PLOD3: variants seen among roughly 807,000 people sequenced by gnomAD.
PLOD3 encodes procollagen-lysine,2-oxoglutarate 5-dioxygenase 3, also known as multifunctional procollagen lysine hydroxylase and glycosyltransferase LH3.
PLOD3 carries 73 observed loss-of-function variants against 96.9 expected under a neutral mutation model. The observed-to-expected ratio is 0.75, with a 90% confidence interval of 0.62 to 0.92. PLOD3 has a LOEUF of 0.92. Among genes scored for constraint, PLOD3 ranks in the 40% least tolerant of loss-of-function variants. The pLI is 0.00. For synonymous variants in PLOD3, 454 were observed against 413.7 expected (o/e 1.10, Z -1.18); for missense variants, 1,004 against 1,004.3 (o/e 1.00, Z 0.00).
At position 101,210,519 on chromosome 7, in the gene PLOD3, C is replaced by T. The variant is rs1408068194; in HGVS notation, c.1500+13G>A. On this transcript the variant is annotated intron_variant, in intron 13 of 18. Coordinates refer to ENST00000223127, the MANE Select transcript of PLOD3 (RefSeq NM_001084.5). The stretch of plus-strand genomic sequence containing the variant: ...GGGACTGCCCCCAGGCCAGACCGTG[C>T]ACCCGCGCTCACCTTGTCTCGAAAG... The T allele has an allele frequency of 1.2e-6, 2 of 1,614,034 alleles. No individual in the cohort carries two copies. The highest frequency in any genetic ancestry group is 1.7e-5 in the Admixed American group (1 of 60,000).
At chr7:101,209,102 G>C (rs1798138050) in intron 15 of PLOD3, 145 bp from the exon 16 acceptor site, 1 of 694,596 alleles carries the variant, frequency 1.4e-6, no homozygotes, top group Non-Finnish European at 2.6e-6. Flanking sequence ...GGGGCTGAGG[G>C]AGTGGCAAGG....
At chr7:101,207,476 G>C in intron 17 of PLOD3, 102 bp downstream of exon 17, 1 of 1,260,470 alleles carries the variant, frequency 7.9e-7, no homozygotes. Context: ...AAAATGCATG[G>C]AGCCCAAATG....
At chr7:101,211,323 G>C (rs933234680) in intron 12 of PLOD3, 1 of 417,706 alleles carries the variant, frequency 2.4e-6, no homozygotes, top group African/African-American at 2.0e-5. Context: ...GGGACCACAG[G>C]CACGCACCAC....
intron 12 of PLOD3, 72 bp from the exon 13 acceptor site, chr7:101,210,745 CCTT>C (rs1302016856): frequency 2.6e-6 from 4 of 1,554,506 alleles, no homozygotes; most frequent in African/African-American, 2.7e-5. Context: ...CCCGGGAAGT[CCTT>C]CTTCCCTCAG....
At position 101,216,825 on chromosome 7, in the gene PLOD3, C is replaced by CA. The variant is rs773285360; in HGVS notation, c.110-40dup. ...GAAATGGCACTTGAGATCCACCGCC[C>CA]AGCTCCGGGCCTCACGTGCTTTGCT... On this transcript the variant is annotated intron_variant, in intron 1 of 18. Coordinates refer to ENST00000223127, the MANE Select transcript of PLOD3 (RefSeq NM_001084.5). The CA allele has an allele frequency of 1.3e-5, 18 of 1,375,976 alleles. No homozygotes were observed. In the African/African-American group the frequency reaches 2.3e-4, roughly 17 times the overall value. The allele number at this position is 1,375,976 out of a possible 1,614,324, so 85.2% of individuals were successfully genotyped here. A position where few individuals can be genotyped will look rare whatever the true frequency, so the allele number is the denominator to read the frequency against.
Position 101,210,478 on chromosome 7 carries a change from G to A in PLOD3, c.1501-34C>T, listed in dbSNP as rs753947848. ...GGGTGGGGGTGTCCGTGATGCAGGCGATGCCTGGAGTCTGGGGGACTGCCC... is the reference window on the plus strand; with the variant it reads ...GGGTGGGGGTGTCCGTGATGCAGGCAATGCCTGGAGTCTGGGGGACTGCCC... On this transcript the variant is annotated intron_variant, in intron 13 of 18. Transcript: ENST00000223127. The A allele has an allele frequency of 9.9e-6, 16 of 1,613,452 alleles. No individual in the cohort carries two copies. In the African/African-American group the frequency reaches 1.2e-4, roughly 12 times the overall value.
rs1464293153 is a variant in PLOD3, at chr7:101,217,319, G to A, written c.-45C>T. ...CAGCACCCAGGATCCTGGGATCTCC[G>A]CTACGCGCCTGGATCCCAGCTCCGG... On this transcript the variant is annotated 5_prime_UTR_variant, in exon 1 of 19. Coordinates refer to ENST00000223127, the MANE Select transcript of PLOD3 (RefSeq NM_001084.5). 3 of 1,363,448 alleles carry A rather than the reference G, an allele frequency of 2.2e-6. No homozygotes were observed. The African/African-American group carries it at 4.6e-5, about 21-fold the overall frequency. 84.5% of individuals were successfully genotyped at this position (1,363,448 alleles called of 1,614,324 possible).
chr7:101,208,882 A>G lies in PLOD3; in HGVS notation c.1759T>C (p.Tyr587His). 1 of 1,613,784 alleles carries G rather than the reference A, an allele frequency of 6.2e-7. No homozygotes were observed. Among genetic ancestry groups the G allele is most frequent in the Non-Finnish European group, 8.5e-7 (1 of 1,179,704 alleles). ...TGCCGGCCGCCTGACCACTGGCCGTAGTGCTCCATCTCTGCCACCAGCTCA... is the reference window on the plus strand; with the variant it reads ...TGCCGGCCGCCTGACCACTGGCCGTGGTGCTCCATCTCTGCCACCAGCTCA... Reference protein sequence around the residue: ...CDELVAEMEHYGQWSGGRHED... With the variant: ...CDELVAEMEHHGQWSGGRHED... The change falls in exon 16 of 19, where the codon TAC (tyrosine) becomes CAC (histidine). Residue 587 changes from tyrosine to histidine, a missense_variant. Tyr to His is a moderately conservative substitution (Grantham distance 83, BLOSUM62 2). Coordinates refer to ENST00000223127, the MANE Select transcript of PLOD3 (RefSeq NM_001084.5).
At chr7:101,208,602 G>A (rs1798123512) in intron 16 of PLOD3, 1 of 479,048 alleles carries the variant, frequency 2.1e-6, no homozygotes, top group Non-Finnish European at 4.0e-6. Context: ...GCCCAGGCTG[G>A]CCTCAAACTC....
Position 101,210,389 on chromosome 7 carries a change from G to T in PLOD3, c.1556C>A (p.Ser519Tyr). 1.2e-6 allele frequency: 2 copies of T among 1,614,206 alleles called. No individual in the cohort carries two copies. The highest frequency in any genetic ancestry group is 2.2e-5 in the South Asian group (2 of 91,082). Residue 519 changes from serine (S) to tyrosine (Y), a missense_variant, in exon 14 of 19, where the codon TCC becomes TAC. Ser to Tyr is a moderately radical substitution (Grantham distance 144, BLOSUM62 -2). Coordinates refer to ENST00000223127, the MANE Select transcript of PLOD3 (RefSeq NM_001084.5). ...QHEFGRLLAT[S>Y]RYDTEHLHPD... ...GTGCAGGTGCTCCGTGTCGTATCTG[G>T]AAGTGGCCAGGAGCCGGCCAAATTC...
chr7:101,212,082 G>T (rs3213663), intron 10 of PLOD3, 132 bp from the exon 11 acceptor site: 3 of 1,055,176 alleles, frequency 2.8e-6, no homozygotes, highest in Non-Finnish European at 4.3e-6. Flanking sequence ...CTGCTGTCTG[G>T]GTGAGCTGGC....
intron 16 of PLOD3, among the ~76,000 whole-genome samples, chr7:101,208,165 A>G (rs1798117498): frequency 6.6e-6 from 1 of 152,110 alleles, no homozygotes; most frequent in Admixed American, 6.5e-5. Context: ...CGGCATGATC[A>G]TAGCTCACTG....
At chr7:101,211,791 G>A (rs1339416435) in intron 11 of PLOD3, 55 bp downstream of exon 11, 6 of 1,584,188 alleles carry the variant, frequency 3.8e-6, no homozygotes, top group Non-Finnish European at 5.2e-6. Context: ...GCAGGAGTGG[G>A]GTTCCCGGGG....
chr7:101,207,183 C>T (rs925733134), intron 17 of PLOD3, among the ~76,000 whole-genome samples: 8 of 152,052 alleles, frequency 5.3e-5, no homozygotes, highest in African/African-American at 1.9e-4. Flanking sequence ...ACCATCTTGG[C>T]CAGGCTGGTC....
chr7:101,211,520 G>T (rs879053204), intron 12 of PLOD3, 71 bp downstream of exon 12: 4 of 1,502,866 alleles, frequency 2.7e-6, no homozygotes, highest in East Asian at 2.4e-5. Flanking sequence ...AAACCCCTGA[G>T]AGTAGGGGGC....
chr7:101,206,862 C>G lies in PLOD3; in HGVS notation c.1978G>C (p.Glu660Gln), dbSNP rs761576023. ...TGGTGTGGCCGCAGAGACGGCTGCT[C>G]GTCTGGCCGGTAGCGAACCACAAAG... The part of the protein sequence containing the change: ...MNFVVRYRPD[E>Q]QPSLRPHHDS... Residue 660 changes from glutamate to glutamine, a missense_variant, in exon 18 of 19, where the codon GAG becomes CAG. Around this residue, in one of 5 missense-constraint regions of PLOD3, gnomAD observed 222 missense variants for 220.4 expected, o/e 1.01. Transcript: ENST00000223127. The G allele has an allele frequency of 1.9e-6, 3 of 1,562,894 alleles. No individual in the cohort carries two copies. The highest frequency in any genetic ancestry group is 3.8e-5 in the Admixed American group (2 of 51,954).
Position 101,208,900 on chromosome 7 carries a change from C to T in PLOD3, c.1741G>A (p.Val581Met). ...TGGCCGTAGTGCTCCATCTCTGCCA[C>T]CAGCTCATCACACATTTGTTCTGAC... ...LLSEQMCDEL[V>M]AEMEHYGQWS... Residue 581 changes from valine to methionine, a missense_variant, in exon 16 of 19, where the codon GTG becomes ATG. Physicochemically the swap from Val to Met is conservative, Grantham distance 21. Coordinates refer to ENST00000223127, the MANE Select transcript of PLOD3 (RefSeq NM_001084.5). 1 of 1,614,052 alleles carries T rather than the reference C, an allele frequency of 6.2e-7. No homozygotes were observed. Among genetic ancestry groups the T allele is most frequent in the African/African-American group, 1.3e-5 (1 of 75,064 alleles).
Position 101,215,703 on chromosome 7 carries a change from T to C in PLOD3, c.615+205A>G, listed in dbSNP as rs1017099363. On this transcript the variant is annotated intron_variant, in intron 5 of 18. Coordinates refer to ENST00000223127, the MANE Select transcript of PLOD3 (RefSeq NM_001084.5). ...TTTTGTAGAGATGAGGTCTCAACTA[T>C]GTTGTCCAGGCTGGTCTTAAATTCC... Among the ~76,000 whole-genome samples, 9 of 152,144 alleles carry C rather than the reference T, an allele frequency of 5.9e-5. No homozygotes were observed. In the South Asian group the frequency reaches 6.2e-4, roughly 11 times the overall value.
At position 101,206,062 on chromosome 7, in the gene PLOD3, G is replaced by A; in HGVS notation, c.*219C>T. 1.6e-6 allele frequency: 1 copy of A among 627,242 alleles called. No individual in the cohort carries two copies. The highest frequency in any genetic ancestry group is 2.8e-6 in the Non-Finnish European group (1 of 352,544). The allele number at this position is 627,242 out of a possible 1,614,324, so 38.9% of individuals were successfully genotyped here. Reference sequence around the variant, plus strand: ...CGCGGGGAGTCCCCAGAAGCCCTGTGCCCACGAACCCCTGTGGGCGGAGGA... The same window carrying A: ...CGCGGGGAGTCCCCAGAAGCCCTGTACCCACGAACCCCTGTGGGCGGAGGA... On this transcript the variant is annotated 3_prime_UTR_variant, in exon 19 of 19. Transcript: ENST00000223127.
Sources: gnomAD v4.1 joint callset for allele counts (sites outside exome capture counted in the v4.1 genomes callset) on GRCh38, gnomAD v4.1.1 for gene constraint, gnomAD v4.1.1 regional missense constraint, MANE v1.5 for transcripts, NCBI Gene and HGNC (gene_info 2026-07-23, HGNC 2026-07-21) for gene names.